FTCDNL1: variants seen among roughly 807,000 people sequenced by gnomAD.
FTCDNL1 encodes formiminotransferase cyclodeaminase N-terminal like.
FTCDNL1 carries 11 observed loss-of-function variants against 5.9 expected under a neutral mutation model. The observed-to-expected ratio is 1.87, with a 90% confidence interval of 1.18 to 3.10. The LOEUF (loss-of-function observed/expected upper bound fraction) is 3.10. FTCDNL1 is among the 30% of genes most tolerant of loss of function. The probability of loss-of-function intolerance (pLI) is 0.00; values close to 1 mark genes in which losing one functional copy is unlikely to be tolerated. For missense variants in FTCDNL1, 115 were observed against 65.5 expected (o/e 1.76, Z -2.61); for synonymous variants, 58 against 24.8 (o/e 2.34, Z -3.99).
the FTCDNL1 span, among the ~76,000 whole-genome samples, chr2:199,732,959 T>C: frequency 2.0e-4 from 30 of 152,310 alleles, no homozygotes; most frequent in African/African-American, 7.0e-4. Flanking sequence ...TTGTTCACAA[T>C]TGAGTTGGGG....
At chr2:199,780,311 T>C (rs557660420) in intron 3 of FTCDNL1, among the ~76,000 whole-genome samples, 1 of 152,200 alleles carries the variant, frequency 6.6e-6, no homozygotes, top group East Asian at 1.9e-4. Context: ...CAAGGGCAAA[T>C]CCTGAGGAGG....
chr2:199,765,150 A>C (rs1446575634), intron 3 of FTCDNL1, among the ~76,000 whole-genome samples: 1 of 152,196 alleles, frequency 6.6e-6, no homozygotes, highest in Non-Finnish European at 1.5e-5. Context: ...TAAAACTATT[A>C]TGTAAGATAC....
chr2:199,714,393 T>C, the FTCDNL1 span, among the ~76,000 whole-genome samples: 1 of 152,062 alleles, frequency 6.6e-6, no homozygotes, highest in African/African-American at 2.4e-5. Context: ...ACATCAGTCA[T>C]GAATAAAATA....
intron 3 of FTCDNL1, among the ~76,000 whole-genome samples, chr2:199,780,070 G>A (rs1264255929): frequency 6.6e-6 from 1 of 152,162 alleles, no homozygotes; most frequent in Non-Finnish European, 1.5e-5. Flanking sequence ...AACAGACTGT[G>A]GTTAAGATTG....
At chr2:199,817,605 T>C (rs1424558856) in intron 4 of FTCDNL1, among the ~76,000 whole-genome samples, 1 of 151,992 alleles carries the variant, frequency 6.6e-6, no homozygotes, top group African/African-American at 2.4e-5. Context: ...CTGGGCAACA[T>C]GGTGAAACCC....
At chr2:199,739,428 GGTTAAAA>G in the FTCDNL1 span, among the ~76,000 whole-genome samples, 1 of 152,138 alleles carries the variant, frequency 6.6e-6, no homozygotes, top group East Asian at 1.9e-4. Flanking sequence ...TCTATTCATT[GGTTAAAA>G]GTTGACTTGC....
At chr2:199,798,819 A>G (rs1188022688) in intron 3 of FTCDNL1, among the ~76,000 whole-genome samples, 1 of 152,224 alleles carries the variant, frequency 6.6e-6, no homozygotes, top group African/African-American at 2.4e-5. Context: ...ATGATCCCAC[A>G]GCCAAATAAG....
At chr2:199,704,366 T>C in the FTCDNL1 span, among the ~76,000 whole-genome samples, 1 of 152,132 alleles carries the variant, frequency 6.6e-6, no homozygotes, top group Non-Finnish European at 1.5e-5. Context: ...CTACCCTACA[T>C]GGTCCTGCTG....
chr2:199,782,294 C>T (rs905399337), intron 3 of FTCDNL1, among the ~76,000 whole-genome samples: 1 of 152,186 alleles, frequency 6.6e-6, no homozygotes, highest in African/African-American at 2.4e-5. Context: ...TTTTAATCAA[C>T]TTTACTGAGG....
intron 4 of FTCDNL1, among the ~76,000 whole-genome samples, chr2:199,815,633 T>C (rs933681587): frequency 2.0e-5 from 3 of 152,236 alleles, no homozygotes; most frequent in Non-Finnish European, 2.9e-5. Context: ...ATTGAAAAAT[T>C]AGATGAATAA....
At chr2:199,792,440 C>A (rs1056539666) in intron 3 of FTCDNL1, among the ~76,000 whole-genome samples, 2 of 152,114 alleles carry the variant, frequency 1.3e-5, no homozygotes, top group African/African-American at 4.8e-5. Flanking sequence ...GACTTTTTGG[C>A]TCTTCCCTTC....
chr2:199,740,875 C>T, the FTCDNL1 span, among the ~76,000 whole-genome samples: 1 of 152,136 alleles, frequency 6.6e-6, no homozygotes, highest in East Asian at 1.9e-4. Context: ...CCTTTTCATG[C>T]TGTTAGAAGA....
At chr2:199,806,506 CA>C (rs1331819948), downstream of FTCDNL1, among the ~76,000 whole-genome samples, 1 of 152,202 alleles carries the variant, frequency 6.6e-6, no homozygotes, top group Non-Finnish European at 1.5e-5. Flanking sequence ...TTGGCTCAGC[CA>C]GGGGGAATGA....
At chr2:199,816,005 A>G (rs1701329967) in intron 4 of FTCDNL1, among the ~76,000 whole-genome samples, 1 of 117,932 alleles carries the variant, frequency 8.5e-6, no homozygotes, top group African/African-American at 3.0e-5. Flanking sequence ...ATCTCAAAAA[A>G]AAAAGAAAGA....
the FTCDNL1 span, among the ~76,000 whole-genome samples, chr2:199,710,027 C>A: frequency 6.6e-6 from 1 of 152,042 alleles, no homozygotes; most frequent in African/African-American, 2.4e-5. Flanking sequence ...CAAAATTAAA[C>A]CTCATGAAAC....
At chr2:199,789,949 G>T (rs1029539852) in intron 3 of FTCDNL1, among the ~76,000 whole-genome samples, 1 of 152,042 alleles carries the variant, frequency 6.6e-6, no homozygotes. Context: ...ATAAAATAAG[G>T]TCTGGCAAGT....
the FTCDNL1 span, among the ~76,000 whole-genome samples, chr2:199,709,706 T>C: frequency 1.3e-5 from 2 of 151,952 alleles, no homozygotes; most frequent in South Asian, 4.2e-4. Flanking sequence ...ATATTTTCAG[T>C]GAAATGGAGA....
At chr2:199,715,391 G>T in the FTCDNL1 span, among the ~76,000 whole-genome samples, 1 of 152,096 alleles carries the variant, frequency 6.6e-6, no homozygotes, top group Non-Finnish European at 1.5e-5. Context: ...TTCCCGTGCT[G>T]TTCTAGTGAT....
At chr2:199,702,394 C>A in the FTCDNL1 span, among the ~76,000 whole-genome samples, 3 of 152,114 alleles carry the variant, frequency 2.0e-5, no homozygotes, top group Non-Finnish European at 4.4e-5. Flanking sequence ...AAGACCCTCG[C>A]CTCCCGATGC....
Sources: gnomAD v4.1 joint callset for allele counts (sites outside exome capture counted in the v4.1 genomes callset) on GRCh38, gnomAD v4.1.1 for gene constraint, MANE v1.5 for transcripts, NCBI Gene and HGNC (gene_info 2026-07-23, HGNC 2026-07-21) for gene names.